MYH4: variants seen among roughly 807,000 people sequenced by gnomAD.
MYH4 encodes myosin-4.
MYH4 carries 200 observed loss-of-function variants against 229.9 expected under a neutral mutation model. The ratio of observed to expected loss-of-function variants is 0.87; its 90% CI spans 0.78 to 0.98. The LOEUF is 0.98. Ranked by LOEUF, MYH4 falls within the 50% of genes least tolerant of loss-of-function variation. The probability of loss-of-function intolerance (pLI) is 0.00; values close to 1 mark genes in which losing one functional copy is unlikely to be tolerated. For missense variants in MYH4, 2,148 were observed against 2,332.6 expected, an observed-to-expected ratio of 0.92 and a Z score of 1.63; for synonymous variants, 761 against 834.6, an observed-to-expected ratio of 0.91 and a Z score of 1.52.
At chr17:10,455,408 G>T in intron 19 of MYH4, 113 bp from the exon 20 acceptor site, 1 of 1,344,210 alleles carries the variant, frequency 7.4e-7, no homozygotes, top group Non-Finnish European at 1.0e-6. Flanking sequence ...TGAACAAAAT[G>T]CCATTTAAAA....
chr17:10,448,549 T>A, intron 32 of MYH4, 29 bp from the exon 33 acceptor site: 2 of 1,610,346 alleles, frequency 1.2e-6, no homozygotes, highest in Non-Finnish European at 1.7e-6. Flanking sequence ...AAATTTCAGT[T>A]AAGTAGAAAG....
chr17:10,444,896 T>A lies in MYH4; in HGVS notation c.5470A>T (p.Arg1824Ter), dbSNP rs762312209. Reference protein sequence around the residue: ...KQIQKLEARVRELESEVESEQ... With the variant: ...KQIQKLEARV ...CTTTCCACCTCACTTTCAAGCTCTC[T>A]CACCTGGAAGGGAACAAAGACGTTT... Residue 1824 changes from arginine to a stop codon, truncating the protein, a stop_gained, in exon 38 of 40, where the codon AGA (arginine) becomes TGA (stop). Coordinates refer to ENST00000255381, the MANE Select transcript of MYH4 (RefSeq NM_017533.2). LOFTEE classifies it high-confidence loss of function. 6.2e-7 allele frequency: 1 copy of A among 1,614,096 alleles called. No homozygotes were observed. Among genetic ancestry groups the A allele is most frequent in the Non-Finnish European group, 8.5e-7 (1 of 1,180,016 alleles).
Position 10,443,537 on chromosome 17 carries a change from G to A in MYH4, c.5668-10C>T. 6.2e-7 allele frequency: 1 copy of A among 1,603,948 alleles called. No homozygotes were observed. Among genetic ancestry groups the A allele is most frequent in the Non-Finnish European group, 8.5e-7 (1 of 1,174,296 alleles). On this transcript the variant is annotated splice_polypyrimidine_tract_variant and intron_variant, in intron 39 of 39. Transcript: ENST00000255381. This position sits in a 1 kb window ranked among gnomAD's most constrained non-coding sequence, Gnocchi z 4.6. Reference sequence around the variant, plus strand: ...CATTGGATTGTTCCTCCTGAGAACAGAGATGCATTTGAGATAACAAGAAAA... The same window carrying A: ...CATTGGATTGTTCCTCCTGAGAACAAAGATGCATTTGAGATAACAAGAAAA...
chr17:10,459,266 G>A lies in MYH4; in HGVS notation c.1572C>T (p.Ile524=), dbSNP rs1212405204. 10 of 1,613,896 alleles carry A rather than the reference G, an allele frequency of 6.2e-6. No individual in the cohort carries two copies. The highest frequency in any genetic ancestry group is 4.4e-5 in the South Asian group (4 of 91,068). ...IDFGMDLAAC[I]ELIEKPMGIF... is the part of the protein sequence containing the mutation. ...TCATATGAACCTTCTCGATGAGCTC[G>A]ATGCAGGCAGCCAGGTCCATCCCGA... Residue 524 remains isoleucine, a synonymous_variant, in exon 15 of 40, where the codon ATC becomes ATT. Coordinates refer to ENST00000255381, the MANE Select transcript of MYH4 (RefSeq NM_017533.2).
At chr17:10,465,680 A>G in intron 4 of MYH4, 82 bp from the exon 5 acceptor site, 5 of 1,551,540 alleles carry the variant, frequency 3.2e-6, no homozygotes, top group South Asian at 2.3e-5. Flanking sequence ...CAAGTAGAGC[A>G]GGACCTAAGT....
chr17:10,447,731 G>C (rs2072527045), intron 34 of MYH4, 87 bp downstream of exon 34: 1 of 1,287,964 alleles, frequency 7.8e-7, no homozygotes, highest in South Asian at 1.5e-5. Context: ...GGTGATTTAT[G>C]ACACATAGTC....
rs1462168380 is a variant in MYH4 at position 10,465,572 on chromosome 17, G to A, written c.375C>T (p.Thr125=). Residue 125 remains threonine (T), a synonymous_variant, in exon 5 of 40, where the codon ACC becomes ACT. Transcript: ENST00000255381. ...CCGGCAGCCACTTGTAGGGGTTGAC[G>A]GTGACACAGAAGAGGCCCGAGTAGG... ...IYTYSGLFCV[T]VNPYKWLPVY... 2.5e-6 allele frequency: 4 copies of A among 1,613,962 alleles called. No individual in the cohort carries two copies. The highest frequency in any genetic ancestry group is 2.5e-6 in the Non-Finnish European group (3 of 1,180,006).
chr17:10,459,510 AT>A, intron 14 of MYH4, 89 bp from the exon 15 acceptor site: 1 of 1,595,130 alleles, frequency 6.3e-7, no homozygotes, highest in Admixed American at 1.7e-5. Flanking sequence ...AATTTAAGGC[AT>A]TTTGGTTTAT....
At position 10,466,574 on chromosome 17, in the gene MYH4, C is replaced by T. The variant is rs138503520; in HGVS notation, c.172G>A (p.Gly58Arg). 3 of 1,613,904 alleles carry T rather than the reference C, an allele frequency of 1.9e-6. No individual in the cohort carries two copies. Among genetic ancestry groups the T allele is most frequent in the East Asian group, 4.5e-5 (2 of 44,882 alleles). The change falls in exon 3 of 40, where the codon GGG (glycine) becomes AGG (arginine). Residue 58 changes from glycine (G) to arginine (R), a missense_variant. Physicochemically the swap from Gly to Arg is moderately radical, Grantham distance 125. Transcript: ENST00000255381. Reference sequence around the variant, plus strand: ...GCTTCGGTCTTGGCTGTCACCTTCCCCCCTTCCCTGCTCTGCACTATTGCT... The same window carrying T: ...GCTTCGGTCTTGGCTGTCACCTTCCTCCCTTCCCTGCTCTGCACTATTGCT... ...VKAIVQSREG[G>R]KVTAKTEAGA...
rs1423192812 is a variant in MYH4, at chr17:10,466,554, G to A, written c.192C>T (p.Thr64=). The change falls in exon 3 of 40, where the codon ACC becomes ACT. Residue 64 remains threonine, a synonymous_variant. Coordinates refer to ENST00000255381, the MANE Select transcript of MYH4 (RefSeq NM_017533.2). ...SREGGKVTAK[T]EAGATVTVKE... is the part of the protein sequence containing the mutation. ...TGTTTTTACTCACAGCTCCAGCTTC[G>A]GTCTTGGCTGTCACCTTCCCCCCTT... 1.8e-5 allele frequency: 29 copies of A among 1,613,856 alleles called. No homozygotes were observed. Among genetic ancestry groups the A allele is most frequent in the Non-Finnish European group, 2.0e-5 (24 of 1,180,026 alleles).
At position 10,455,613 on chromosome 17, in the gene MYH4, C is replaced by G. The variant is rs1244306746; in HGVS notation, c.2174+1G>C. The G allele has an allele frequency of 6.2e-7, 1 of 1,613,942 alleles. No individual in the cohort carries two copies. The highest frequency in any genetic ancestry group is 1.7e-5 in the Admixed American group (1 of 60,016). ...GAAGGGAAAAATAATGAGACACAAA[C>G]CTCTGTTTGAAGTCTGCATAAAGGA... On this transcript the variant is annotated splice_donor_variant, in intron 19 of 39. Transcript: ENST00000255381. LOFTEE classifies it high-confidence loss of function.
Position 10,453,209 on chromosome 17 carries a change from C to T in MYH4, c.3054G>A (p.Glu1018=), listed in dbSNP as rs751195707. Residue 1018 remains glutamate (E), a synonymous_variant, in exon 24 of 40, where the codon GAG becomes GAA. Transcript: ENST00000255381. Reference sequence around the variant, plus strand: ...CTTTGGTCAGGGTGTTGACTTTGTCCTCCTCCATCTGCAGGTCATCCAGGG... The same window carrying T: ...CTTTGGTCAGGGTGTTGACTTTGTCTTCCTCCATCTGCAGGTCATCCAGGG... ...QQTLDDLQME[E]DKVNTLTKAK... The T allele has an allele frequency of 1.9e-6, 3 of 1,614,016 alleles. No homozygotes were observed. Among genetic ancestry groups the T allele is most frequent in the Non-Finnish European group, 1.7e-6 (2 of 1,180,010 alleles).
rs2072519285 is a variant in MYH4 at position 10,447,033 on chromosome 17, C to T, written c.5149G>A (p.Val1717Met). The T allele has an allele frequency of 6.2e-7, 1 of 1,613,962 alleles. No homozygotes were observed. Among genetic ancestry groups the T allele is most frequent in the African/African-American group, 1.3e-5 (1 of 74,926 alleles). Reference sequence around the variant, plus strand: ...CTCACCTGAGTGTGCAGAAGTTGCACACGTTCACTGGCATCCAGAAGCTCT... The same window carrying T: ...CTCACCTGAGTGTGCAGAAGTTGCATACGTTCACTGGCATCCAGAAGCTCT... ...EQELLDASER[V>M]QLLHTQNTSL... The change falls in exon 35 of 40, where the codon GTG becomes ATG. Residue 1717 changes from valine to methionine, a missense_variant. Coordinates refer to ENST00000255381, the MANE Select transcript of MYH4 (RefSeq NM_017533.2).
chr17:10,453,701 T>C lies in MYH4; in HGVS notation c.2876A>G (p.Asp959Gly). The C allele has an allele frequency of 6.2e-7, 1 of 1,614,128 alleles. No homozygotes were observed. Among genetic ancestry groups the C allele is most frequent in the Non-Finnish European group, 8.5e-7 (1 of 1,180,008 alleles). Residue 959 changes from aspartate to glycine, a missense_variant, in exon 23 of 40, where the codon GAT becomes GGT. Transcript: ENST00000255381. The part of the protein sequence containing the change: ...DECSELKKDI[D>G]DLELTLAKVE... ...CTTGGCCAGTGTCAGCTCAAGGTCA[T>C]CAATGTCTTTCTTGAGCTCTGAACA...
chr17:10,465,447 A>C lies in MYH4; in HGVS notation c.500T>G (p.Leu167Arg). The C allele has an allele frequency of 1.9e-6, 3 of 1,613,760 alleles. No homozygotes were observed. The highest frequency in any genetic ancestry group is 2.5e-6 in the Non-Finnish European group (3 of 1,179,966). The change falls in exon 5 of 40, where the codon CTA (leucine) becomes CGA (arginine). Residue 167 changes from leucine to arginine, a missense_variant. By Grantham distance (102) the Leu-to-Arg change is moderately radical (BLOSUM62 -2). Coordinates refer to ENST00000255381, the MANE Select transcript of MYH4 (RefSeq NM_017533.2). ...AAATTGTAATTCTCACTCACCAGTT[A>C]GCATGAACTGATAGGCATTGTCAGA... is the stretch of plus-strand genomic sequence containing the variant. Reference protein sequence around the residue: ...SISDNAYQFMLTDRENQSILI... With the variant: ...SISDNAYQFMRTDRENQSILI...
intron 35 of MYH4, 74 bp downstream of exon 35, chr17:10,446,939 T>A: frequency 6.8e-7 from 1 of 1,464,306 alleles, no homozygotes; most frequent in African/African-American, 1.4e-5. Context: ...TTTTACTTTA[T>A]AAACAAGCTT....
chr17:10,452,306 C>A lies in MYH4; in HGVS notation c.3373G>T (p.Glu1125Ter). 6.2e-7 allele frequency: 1 copy of A among 1,614,104 alleles called. No homozygotes were observed. The highest frequency in any genetic ancestry group is 2.2e-5 in the East Asian group (1 of 44,864). Reference sequence around the variant, plus strand: ...CGGGAGGCCCGCTCTGCCTCGATTTCCTCCTCCAGCTCCTCAATGCGGGCC... The same window carrying A: ...CGGGAGGCCCGCTCTGCCTCGATTTACTCCTCCAGCTCCTCAATGCGGGCC... ...LQARIEELEE[E>*]IEAERASRAK... The change falls in exon 27 of 40, where the codon GAA (glutamate) becomes TAA (stop). Residue 1125 changes from glutamate to a stop codon, truncating the protein, a stop_gained. Transcript: ENST00000255381. LOFTEE classifies it high-confidence loss of function.
chr17:10,465,770 C>CTTTTTTT (rs957442606), intron 4 of MYH4, among the ~76,000 whole-genome samples, 172 bp from the exon 5 acceptor site: 43 of 97,982 alleles, frequency 4.4e-4, no homozygotes, highest in East Asian at 6.6e-4. Flanking sequence ...TTCAGTTTTT[C>CTTTTTTT]TTTTTTTTTT....
In MYH4 at chr17:10,464,705, C is replaced by A. The variant is rs765014025; in HGVS notation, c.509G>T (p.Arg170Leu). The A allele has an allele frequency of 6.2e-7, 1 of 1,613,202 alleles. No homozygotes were observed. Among genetic ancestry groups the A allele is most frequent in the East Asian group, 2.2e-5 (1 of 44,870 alleles). ...DNAYQFMLTDRENQSILITGE... is the reference protein window; with the variant it reads ...DNAYQFMLTDLENQSILITGE... ...CGTAATCAAGATTGACTGGTTTTCA[C>A]GATCTGTAAAAGAGAAGCCAAAGAT... Residue 170 changes from arginine (R) to leucine (L), a missense_variant, in exon 6 of 40, where the codon CGT becomes CTT. Transcript: ENST00000255381.
Sources: gnomAD v4.1 joint callset for allele counts (sites outside exome capture counted in the v4.1 genomes callset) on GRCh38, gnomAD v4.1.1 for gene constraint, Gnocchi (gnomAD v3.1) non-coding constraint, MANE v1.5 for transcripts, NCBI Gene and HGNC (gene_info 2026-07-23, HGNC 2026-07-21) for gene names.